CYP2C19: variants seen among roughly 807,000 people sequenced by gnomAD.
The protein encoded by CYP2C19 is cytochrome P450 family 2 subfamily C member 19.
CYP2C19 carries 59 observed loss-of-function variants against 40.9 expected under a neutral mutation model. The ratio of observed to expected loss-of-function variants is 1.44; its 90% CI spans 1.17 to 1.79. The LOEUF is 1.79. Among genes scored for constraint, CYP2C19 ranks in the 40% most tolerant of loss-of-function variants. The pLI, the probability that CYP2C19 is intolerant of heterozygous loss-of-function variation, is 0.00. For missense variants in CYP2C19, 754 were observed against 596.9 expected (o/e 1.26, Z -2.74); for synonymous variants, 253 against 208.7 (o/e 1.21, Z -1.83).
chr10:94,818,244 T>C lies in CYP2C19; in HGVS notation c.820-2252T>C, dbSNP rs1231398230. ...TGAGGGCTCTGTTCTGTTCCATTGA[T>C]CTATATCTCTGTTTTGGTACCAGTA... On this transcript the variant is annotated intron_variant, in intron 5 of 8. Coordinates refer to ENST00000371321, the MANE Select transcript of CYP2C19 (RefSeq NM_000769.4). 9.6e-5 allele frequency among the ~76,000 whole-genome samples: 14 copies of C among 146,520 alleles called. No individual in the cohort carries two copies. The Admixed American group carries it at 9.6e-4, about 10-fold the overall frequency.
intron 5 of CYP2C19, among the ~76,000 whole-genome samples, chr10:94,803,586 C>T (rs1338034452): frequency 1.3e-5 from 2 of 152,120 alleles, no homozygotes; most frequent in Non-Finnish European, 2.9e-5. Flanking sequence ...TATCTAGTTT[C>T]CCTAATGACA....
intron 7 of CYP2C19, among the ~76,000 whole-genome samples, chr10:94,845,179 G>A (rs1248665885): frequency 1.3e-5 from 2 of 152,116 alleles, no homozygotes; most frequent in Non-Finnish European, 2.9e-5. Flanking sequence ...GAGAGGAGTT[G>A]GCAAACTGTT....
intron 1 of CYP2C19, among the ~76,000 whole-genome samples, chr10:94,766,698 G>A (rs767005282): frequency 2.0e-5 from 3 of 152,064 alleles, no homozygotes; most frequent in Admixed American, 6.6e-5. Context: ...TCTGAAATAA[G>A]AGATGCAAGT....
At chr10:94,836,783 G>A (rs189646641) in intron 6 of CYP2C19, among the ~76,000 whole-genome samples, 1 of 152,312 alleles carries the variant, frequency 6.6e-6, no homozygotes, top group East Asian at 1.9e-4. Flanking sequence ...GTAGCCACAG[G>A]TAGTGAGGAA....
chr10:94,835,710 T>A (rs1033631916), intron 6 of CYP2C19, among the ~76,000 whole-genome samples: 1 of 152,122 alleles, frequency 6.6e-6, no homozygotes, highest in Non-Finnish European at 1.5e-5. Context: ...AGTTAGGAAT[T>A]TCCTTTCCCT....
At chr10:94,791,363 C>A (rs1848603268) in intron 5 of CYP2C19, among the ~76,000 whole-genome samples, 1 of 152,006 alleles carries the variant, frequency 6.6e-6, no homozygotes, top group African/African-American at 2.4e-5. Context: ...GTGTCTATCT[C>A]CTCCAGTTCT....
At chr10:94,829,356 C>T (rs570132990) in intron 6 of CYP2C19, among the ~76,000 whole-genome samples, 1 of 152,260 alleles carries the variant, frequency 6.6e-6, no homozygotes, top group African/African-American at 2.4e-5. Flanking sequence ...GGAGGCTTTG[C>T]TCATTTCTTT....
intron 7 of CYP2C19, among the ~76,000 whole-genome samples, chr10:94,849,444 G>A (rs1407149678): frequency 1.3e-5 from 2 of 151,542 alleles, no homozygotes; most frequent in Non-Finnish European, 2.9e-5. Context: ...AAAAAGAAAA[G>A]AATCAAGAAA....
chr10:94,808,919 T>C (rs1051674619), intron 5 of CYP2C19, among the ~76,000 whole-genome samples: 1 of 151,450 alleles, frequency 6.6e-6, no homozygotes, highest in Non-Finnish European at 1.5e-5. Flanking sequence ...ATCTCTTCAA[T>C]ATACTGATTT....
chr10:94,820,764 C>A, intron 6 of CYP2C19, 127 bp downstream of exon 6: 1 of 1,199,086 alleles, frequency 8.3e-7, no homozygotes, highest in Non-Finnish European at 1.2e-6. Context: ...CAGCTGTAAT[C>A]TGTCCCAATT....
Position 94,791,592 on chromosome 10 carries a change from C to A in CYP2C19, c.819+9595C>A, listed in dbSNP as rs187385853. 3.1e-3 allele frequency among the ~76,000 whole-genome samples: 474 copies of A among 152,216 alleles called. 3 individuals carry two copies. Among genetic ancestry groups the A allele is most frequent in the African/African-American group, 0.011 (451 of 41,546 alleles). On this transcript the variant is annotated intron_variant, in intron 5 of 8. Transcript: ENST00000371321. ...CTTTGTTCTCATTGATTTCAAAGAA[C>A]ATCTTTATTTCTGACTTCATTTCAT... is the stretch of plus-strand genomic sequence containing the variant.
At chr10:94,792,703 G>C (rs1216738380) in intron 5 of CYP2C19, among the ~76,000 whole-genome samples, 1 of 152,174 alleles carries the variant, frequency 6.6e-6, no homozygotes, top group African/African-American at 2.4e-5. Flanking sequence ...CTGGCTTGTA[G>C]AGTTTCTGCT....
chr10:94,798,814 A>ATTT (rs61240923), intron 5 of CYP2C19, among the ~76,000 whole-genome samples: 698 of 67,618 alleles, frequency 0.01, 28 homozygotes, highest in East Asian at 0.036. Flanking sequence ...GCAACCCCTG[A>ATTT]TTTTTTTTTT....
chr10:94,773,273 A>G lies in CYP2C19; in HGVS notation c.169-1785A>G, dbSNP rs533318944. Among the ~76,000 whole-genome samples, 177 of 152,278 alleles carry G rather than the reference A, an allele frequency of 1.2e-3. 3 individuals are homozygous for G. The highest frequency in any genetic ancestry group is 1.9e-3 in the Non-Finnish European group (130 of 68,032). ...GTGGGTTCTTGGTCTCACTGACTTCAAGAATGAAGCTGCGGACCCACATGG... is the reference window on the plus strand; with the variant it reads ...GTGGGTTCTTGGTCTCACTGACTTCGAGAATGAAGCTGCGGACCCACATGG... On this transcript the variant is annotated intron_variant, in intron 1 of 8. Transcript: ENST00000371321.
intron 5 of CYP2C19, among the ~76,000 whole-genome samples, chr10:94,799,034 A>G (rs546816238): frequency 4.6e-4 from 70 of 151,876 alleles, no homozygotes; most frequent in Non-Finnish European, 7.5e-4. Context: ...TGAGAATTTG[A>G]TCCTGTCATT....
At chr10:94,822,479 G>A (rs1296352410) in intron 6 of CYP2C19, among the ~76,000 whole-genome samples, 2 of 152,074 alleles carry the variant, frequency 1.3e-5, no homozygotes, top group Non-Finnish European at 2.9e-5. Flanking sequence ...TACTGTTGAT[G>A]GGCACTTAAG....
At chr10:94,841,711 A>G (rs2134285771) in intron 6 of CYP2C19, among the ~76,000 whole-genome samples, 1 of 152,284 alleles carries the variant, frequency 6.6e-6, no homozygotes, top group East Asian at 1.9e-4. Context: ...ATTTGTTTCA[A>G]GAAATTTCTG....
chr10:94,838,480 C>T (rs1349842776), intron 6 of CYP2C19, among the ~76,000 whole-genome samples: 2 of 152,126 alleles, frequency 1.3e-5, no homozygotes, highest in African/African-American at 4.8e-5. Flanking sequence ...ATCTAAAATA[C>T]CTAGGTCTAT....
chr10:94,816,758 G>A (rs1258606843), intron 5 of CYP2C19, among the ~76,000 whole-genome samples: 1 of 138,022 alleles, frequency 7.2e-6, no homozygotes, highest in African/African-American at 2.7e-5. Flanking sequence ...TCCCCAGAGT[G>A]TGGTATTCCC....
Sources: allele counts gnomAD v4.1 joint callset (sites outside exome capture counted in the v4.1 genomes callset), GRCh38; gene constraint gnomAD v4.1.1; transcripts MANE v1.5; gene names NCBI Gene and HGNC (gene_info 2026-07-23, HGNC 2026-07-21).